Variants in FILIP1L observed in about 807,000 individuals in gnomAD.
FILIP1L encodes filamin A interacting protein 1 like.
Under a neutral mutation model 96.6 loss-of-function variants are expected in FILIP1L, and 55 were observed. The observed-to-expected ratio is 0.57, with a 90% confidence interval of 0.46 to 0.71. The LOEUF is 0.71. FILIP1L is among the 30% of genes least tolerant of loss of function. The pLI is 0.00. For missense variants in FILIP1L, 1,304 were observed against 1,321.2 expected, an observed-to-expected ratio of 0.99 and a Z score of 0.20; for synonymous variants, 467 against 473.9, an observed-to-expected ratio of 0.99 and a Z score of 0.19.
intron 4 of FILIP1L, among the ~76,000 whole-genome samples, chr3:99,912,134 A>C (rs1706809701): frequency 6.6e-6 from 1 of 152,178 alleles, no homozygotes; most frequent in South Asian, 2.1e-4. Flanking sequence ...ATACATCCAT[A>C]CTGACCTTTT....
At chr3:99,942,034 G>A (rs910269339) in intron 1 of FILIP1L, among the ~76,000 whole-genome samples, 6 of 152,062 alleles carry the variant, frequency 3.9e-5, no homozygotes, top group African/African-American at 1.4e-4. Flanking sequence ...GGCTAACACG[G>A]TGAAACTGTA....
At chr3:99,908,848 A>G (rs547022414) in intron 4 of FILIP1L, among the ~76,000 whole-genome samples, 1 of 152,062 alleles carries the variant, frequency 6.6e-6, no homozygotes, top group Non-Finnish European at 1.5e-5. Flanking sequence ...AATAGAATCT[A>G]CCATCTACAA....
At chr3:100,035,853 T>G (rs905679091) in intron 1 of FILIP1L, among the ~76,000 whole-genome samples, 2 of 152,208 alleles carry the variant, frequency 1.3e-5, no homozygotes, top group Non-Finnish European at 2.9e-5. Flanking sequence ...TCCCCCACAT[T>G]GGATTCTTTG....
At chr3:100,103,714 C>T (rs1035477323) in intron 1 of FILIP1L, among the ~76,000 whole-genome samples, 3 of 152,080 alleles carry the variant, frequency 2.0e-5, no homozygotes, top group Non-Finnish European at 4.4e-5. Context: ...CAAACTGCCC[C>T]CTGGGAAATT....
rs1407969620 is a variant in FILIP1L at position 100,027,347 on chromosome 3, T to G, written c.-11+86706A>C. On this transcript the variant is annotated intron_variant, in intron 1 of 5. Coordinates refer to ENST00000477258, the MANE Select transcript of FILIP1L (RefSeq NM_001387850.1). ...ACATGGTAGGTGTTCAATAAATGTT[T>G]GATGAATGAATGAATCTTAAAAACA... Among the ~76,000 whole-genome samples, 5 of 152,264 alleles carry G rather than the reference T, an allele frequency of 3.3e-5. No homozygotes were observed. The East Asian group carries it at 7.7e-4, about 23-fold the overall frequency.
intron 1 of FILIP1L, among the ~76,000 whole-genome samples, chr3:99,983,464 GTATATATATATATATATA>G (rs1191587665): frequency 5.5e-4 from 7 of 12,688 alleles, no homozygotes; most frequent in Non-Finnish European, 8.4e-4. Flanking sequence ...ATATATGTGT[GTATATATATATATATATA>G]TATATATATA....
At position 100,095,018 on chromosome 3, in the gene FILIP1L, T is replaced by C. The variant is rs960430410; in HGVS notation, c.-11+19035A>G. 1.1e-4 allele frequency among the ~76,000 whole-genome samples: 16 copies of C among 152,284 alleles called. 1 individual carries two copies. In the East Asian group the frequency reaches 1.9e-3, roughly 18 times the overall value. Reference sequence around the variant, plus strand: ...CTGTCTTTTGTTGGCTGAGTTGCTTTTGCACTGTTGTGAAAAACCAGGCAG... The same window carrying C: ...CTGTCTTTTGTTGGCTGAGTTGCTTCTGCACTGTTGTGAAAAACCAGGCAG... On this transcript the variant is annotated intron_variant, in intron 1 of 5. Coordinates refer to ENST00000477258, the MANE Select transcript of FILIP1L (RefSeq NM_001387850.1).
At chr3:99,938,859 C>T (rs187088763) in intron 1 of FILIP1L, among the ~76,000 whole-genome samples, 2 of 152,166 alleles carry the variant, frequency 1.3e-5, no homozygotes, top group Admixed American at 1.3e-4. Flanking sequence ...CTTTTATTGC[C>T]CTACTCACCC....
intron 1 of FILIP1L, among the ~76,000 whole-genome samples, chr3:99,957,742 A>G (rs1576600437): frequency 1.6e-5 from 1 of 60,876 alleles, no homozygotes; most frequent in East Asian, 4.3e-4. Flanking sequence ...TTTGTTTGGA[A>G]CTTGTTTAAT....
intron 1 of FILIP1L, among the ~76,000 whole-genome samples, chr3:100,031,869 C>T (rs1206317570): frequency 6.6e-6 from 1 of 152,148 alleles, no homozygotes; most frequent in Non-Finnish European, 1.5e-5. Context: ...GTAGTAACTA[C>T]TAAACTAGGT....
At chr3:100,011,136 C>G (rs1163282475) in intron 1 of FILIP1L, among the ~76,000 whole-genome samples, 1 of 152,084 alleles carries the variant, frequency 6.6e-6, no homozygotes, top group Non-Finnish European at 1.5e-5. Flanking sequence ...GGAGTCGTTT[C>G]ATGACAGCAA....
intron 1 of FILIP1L, among the ~76,000 whole-genome samples, chr3:99,986,994 T>C (rs143285852): frequency 6.6e-6 from 1 of 151,548 alleles, no homozygotes; most frequent in Non-Finnish European, 1.5e-5. Context: ...TTTGGGAGGC[T>C]GAGGTAGGAG....
chr3:100,101,461 A>G (rs1378559096), intron 1 of FILIP1L, among the ~76,000 whole-genome samples: 1 of 152,160 alleles, frequency 6.6e-6, no homozygotes, highest in Non-Finnish European at 1.5e-5. Flanking sequence ...AGAAAAATGC[A>G]GAGAGGCAGC....
chr3:99,997,370 G>A (rs1446615383), intron 1 of FILIP1L, among the ~76,000 whole-genome samples: 1 of 152,196 alleles, frequency 6.6e-6, no homozygotes, highest in African/African-American at 2.4e-5. Flanking sequence ...GGAAATGGCT[G>A]TATGCTATCT....
intron 1 of FILIP1L, among the ~76,000 whole-genome samples, chr3:99,975,256 C>G (rs1196830891): frequency 6.6e-6 from 1 of 152,178 alleles, no homozygotes; most frequent in African/African-American, 2.4e-5. Flanking sequence ...CAAATACATA[C>G]TAAACTCCTT....
chr3:99,917,877 A>G (rs945198524), intron 4 of FILIP1L, among the ~76,000 whole-genome samples: 1 of 152,230 alleles, frequency 6.6e-6, no homozygotes, highest in African/African-American at 2.4e-5. Context: ...GGTAAAAGGT[A>G]CTTGTTCATG....
chr3:99,896,479 C>T (rs1378830382), intron 4 of FILIP1L, among the ~76,000 whole-genome samples: 1 of 152,092 alleles, frequency 6.6e-6, no homozygotes. Flanking sequence ...TGGTAGTCAC[C>T]TTAAGCTACT....
chr3:99,968,313 A>G (rs1411749003), intron 1 of FILIP1L, among the ~76,000 whole-genome samples: 1 of 152,158 alleles, frequency 6.6e-6, no homozygotes, highest in Non-Finnish European at 1.5e-5. Flanking sequence ...TGTAGCCTAA[A>G]TTGTACTTAG....
intron 1 of FILIP1L, among the ~76,000 whole-genome samples, chr3:99,935,157 T>C (rs1246161521): frequency 6.6e-6 from 1 of 152,164 alleles, no homozygotes; most frequent in African/African-American, 2.4e-5. Context: ...AGTGACTTCA[T>C]TGTTTCTCTT....
Sources: allele counts gnomAD v4.1 joint callset (sites outside exome capture counted in the v4.1 genomes callset), GRCh38; gene constraint gnomAD v4.1.1; transcripts MANE v1.5; gene names NCBI Gene and HGNC (gene_info 2026-07-23, HGNC 2026-07-21).